Variants in FAT3 observed in about 807,000 individuals in gnomAD.
The protein encoded by FAT3 is FAT atypical cadherin 3.
A neutral mutation model predicts 310.2 loss-of-function variants in FAT3; 95 were observed. The ratio of observed to expected loss-of-function variants is 0.31; its 90% CI spans 0.26 to 0.36. The LOEUF is 0.36. Ranked by LOEUF, FAT3 falls within the 10% of genes least tolerant of loss-of-function variation. The pLI is 1.00. For missense variants in FAT3, 5,408 were observed against 5,715.6 expected, an observed-to-expected ratio of 0.95 and a Z score of 1.74; for synonymous variants, 2,314 against 2,192.9, an observed-to-expected ratio of 1.06 and a Z score of -1.54.
At chr11:92,477,984 C>T (rs554107295) in intron 2 of FAT3, among the ~76,000 whole-genome samples, 1 of 152,246 alleles carries the variant, frequency 6.6e-6, no homozygotes, top group African/African-American at 2.4e-5. Context: ...AGCCAGAAGG[C>T]CTTGTATACC....
intron 1 of FAT3, among the ~76,000 whole-genome samples, chr11:92,328,280 T>C (rs898583634): frequency 6.6e-6 from 1 of 152,142 alleles, no homozygotes; most frequent in Non-Finnish European, 1.5e-5. Context: ...ATTAAAGCAG[T>C]AGAAGCTAGG....
intron 2 of FAT3, among the ~76,000 whole-genome samples, chr11:92,393,269 CAT>C (rs1565281332): frequency 6.6e-6 from 1 of 152,052 alleles, no homozygotes; most frequent in East Asian, 1.9e-4. Context: ...CACACACACT[CAT>C]GTGTGTCTCT....
At chr11:92,231,089 A>G (rs1864161426) in intron 1 of FAT3, among the ~76,000 whole-genome samples, 1 of 152,218 alleles carries the variant, frequency 6.6e-6, no homozygotes, top group Non-Finnish European at 1.5e-5. Flanking sequence ...TCCTTTCTCC[A>G]CTATCCCCTT....
Position 92,519,817 on chromosome 11 carries a change from A to T in FAT3, c.3293-4817A>T, listed in dbSNP as rs372245829. ...AGATGCAAATGAAAACTTCAATGAGATACCATTGTATACCCATTAGAATAT... is the reference window on the plus strand; with the variant it reads ...AGATGCAAATGAAAACTTCAATGAGTTACCATTGTATACCCATTAGAATAT... On this transcript the variant is annotated intron_variant, in intron 2 of 27. Coordinates refer to ENST00000525166, the MANE Select transcript of FAT3 (RefSeq NM_001367949.2). Among the ~76,000 whole-genome samples the T allele has an allele frequency of 1.1e-4, 17 of 152,266 alleles. No homozygotes were observed. In the East Asian group the frequency reaches 3.3e-3, roughly 29 times the overall value.
chr11:92,601,462 G>A (rs375734772), intron 3 of FAT3, among the ~76,000 whole-genome samples: 2 of 152,284 alleles, frequency 1.3e-5, no homozygotes, highest in South Asian at 2.1e-4. Context: ...GAGTGTGGTG[G>A]CAGGTGCCTG....
In FAT3 at chr11:92,761,868, G is replaced by A. The variant is rs1309319286; in HGVS notation, c.3682G>A (p.Asp1228Asn). The change falls in exon 5 of 28, where the codon GAT becomes AAT. Residue 1228 changes from aspartate to asparagine, a missense_variant. By Grantham distance (23) the Asp-to-Asn change is conservative (BLOSUM62 1). Coordinates refer to ENST00000525166, the MANE Select transcript of FAT3 (RefSeq NM_001367949.2). ...CTCTCTTTTTCAGGTGACTGTGACAGATGGTGGTCCCTCTCCAAAACAGTC... is the reference window on the plus strand; with the variant it reads ...CTCTCTTTTTCAGGTGACTGTGACAAATGGTGGTCCCTCTCCAAAACAGTC... ...AEHFLEVTVT[D>N]GGPSPKQSTI... 2 of 1,613,346 alleles carry A rather than the reference G, an allele frequency of 1.2e-6. No homozygotes were observed. The highest frequency in any genetic ancestry group is 1.7e-6 in the Non-Finnish European group (2 of 1,179,450).
chr11:92,397,875 A>G (rs1949912145), intron 2 of FAT3, among the ~76,000 whole-genome samples: 1 of 151,814 alleles, frequency 6.6e-6, no homozygotes, highest in Admixed American at 6.6e-5. Context: ...ACTGTAATCT[A>G]CAGTAGGAAT....
intron 2 of FAT3, among the ~76,000 whole-genome samples, chr11:92,493,344 T>C (rs1952661821): frequency 6.6e-6 from 1 of 152,100 alleles, no homozygotes; most frequent in South Asian, 2.1e-4. Context: ...TACTCTGAGC[T>C]GCAGACACTG....
chr11:92,449,363 C>G (rs573091767), intron 2 of FAT3, among the ~76,000 whole-genome samples: 113 of 152,226 alleles, frequency 7.4e-4, no homozygotes, highest in Non-Finnish European at 2.8e-4. Context: ...CCTCACTTGG[C>G]CCCCTGACCC....
Position 92,758,626 on chromosome 11 carries a change from C to T in FAT3, c.3670-3230C>T, listed in dbSNP as rs971770731. Among the ~76,000 whole-genome samples, 6 of 152,178 alleles carry T rather than the reference C, an allele frequency of 3.9e-5. No homozygotes were observed. In the East Asian group the frequency reaches 5.8e-4, roughly 15 times the overall value. On this transcript the variant is annotated intron_variant, in intron 4 of 27. Coordinates refer to ENST00000525166, the MANE Select transcript of FAT3 (RefSeq NM_001367949.2). Reference sequence around the variant, plus strand: ...CTCAAGGAGCCCCTGAAGAGTATTACGCAAATCAGCGACATGATCAGATTT... The same window carrying T: ...CTCAAGGAGCCCCTGAAGAGTATTATGCAAATCAGCGACATGATCAGATTT...
chr11:92,642,921 T>C (rs1942016353), intron 3 of FAT3, among the ~76,000 whole-genome samples: 1 of 152,212 alleles, frequency 6.6e-6, no homozygotes. Context: ...TACTCTGCCA[T>C]GCACTGTACC....
chr11:92,748,249 A>G (rs1207226196), intron 4 of FAT3, among the ~76,000 whole-genome samples: 2 of 152,094 alleles, frequency 1.3e-5, no homozygotes, highest in East Asian at 1.9e-4. Flanking sequence ...GGGAACTTCC[A>G]TTTATAAAAC....
At chr11:92,482,089 A>G (rs558394107) in intron 2 of FAT3, among the ~76,000 whole-genome samples, 13 of 152,126 alleles carry the variant, frequency 8.5e-5, no homozygotes, top group African/African-American at 2.6e-4. Flanking sequence ...TCTTTTTTTT[A>G]CTTAACCATA....
intron 20 of FAT3, 40 bp downstream of exon 20, chr11:92,857,388 T>G (rs1949008651): frequency 6.2e-7 from 1 of 1,610,538 alleles, no homozygotes; most frequent in Non-Finnish European, 8.5e-7. Context: ...TAATTTCATA[T>G]TCCTGAAACA....
chr11:92,557,437 C>T (rs774577747), intron 3 of FAT3, among the ~76,000 whole-genome samples: 1 of 152,170 alleles, frequency 6.6e-6, no homozygotes, highest in Admixed American at 6.5e-5. Context: ...TTACCTTAGA[C>T]TGACAAGATT....
At chr11:92,498,304 C>G in intron 2 of FAT3, 1 of 237,110 alleles carries the variant, frequency 4.2e-6, no homozygotes, top group South Asian at 7.4e-5. Context: ...ACTTTTCTAA[C>G]AAAAACATCA....
chr11:92,848,830 A>G (rs1948748894), intron 19 of FAT3, among the ~76,000 whole-genome samples: 1 of 152,230 alleles, frequency 6.6e-6, no homozygotes, highest in South Asian at 2.1e-4. Flanking sequence ...GTGTATAAAG[A>G]GGAATCACTG....
At chr11:92,812,424 T>C (rs1017692640) in intron 13 of FAT3, among the ~76,000 whole-genome samples, 1 of 151,752 alleles carries the variant, frequency 6.6e-6, no homozygotes, top group African/African-American at 2.4e-5. Flanking sequence ...CTACTAAAAA[T>C]ACAAAAATTA....
At chr11:92,373,233 A>G (rs1457318429) in intron 2 of FAT3, among the ~76,000 whole-genome samples, 2 of 152,150 alleles carry the variant, frequency 1.3e-5, no homozygotes, top group Non-Finnish European at 2.9e-5. Flanking sequence ...TATCTGCTAG[A>G]TACTCTGTAA....
Sources: allele counts gnomAD v4.1 joint callset (sites outside exome capture counted in the v4.1 genomes callset), GRCh38; gene constraint gnomAD v4.1.1; transcripts MANE v1.5; gene names NCBI Gene and HGNC (gene_info 2026-07-23, HGNC 2026-07-21).